MYCBP2: variants seen among roughly 807,000 people sequenced by gnomAD.
MYCBP2 encodes MYC binding protein 2.
MYCBP2 carries 120 observed loss-of-function variants against 525.3 expected under a neutral mutation model. The observed-to-expected ratio is 0.23, with a 90% CI of 0.20 to 0.27. The LOEUF is 0.27. MYCBP2 is among the 10% of genes least tolerant of loss of function. The pLI is 1.00. For synonymous variants in MYCBP2, 1,894 were observed against 1,955.8 expected, an observed-to-expected ratio of 0.97 and a Z score of 0.83; for missense variants, 4,149 against 5,657.1, an observed-to-expected ratio of 0.73 and a Z score of 8.55.
At chr13:77,157,915 A>C in intron 45 of MYCBP2, 22 bp downstream of exon 45, 1 of 1,578,462 alleles carries the variant, frequency 6.3e-7, no homozygotes, top group Non-Finnish European at 8.6e-7. Context: ...AAAATAAAGT[A>C]AGTAACTTAA....
Position 77,326,402 on chromosome 13 carries a change from C to T in MYCBP2, c.302+72G>A. The T allele has an allele frequency of 7.1e-7, 1 of 1,413,382 alleles. No individual in the cohort carries two copies. The highest frequency in any genetic ancestry group is 9.4e-7 in the Non-Finnish European group (1 of 1,064,610). The allele number at this position is 1,413,382 out of a possible 1,614,324, so 87.6% of individuals were successfully genotyped here. On this transcript the variant is annotated intron_variant, in intron 1 of 82. Transcript: ENST00000544440. This position sits in a 1 kb window ranked among gnomAD's most constrained non-coding sequence, Gnocchi z 4.2. ...ACACACACGCAAGCACACACACACG[C>T]GGGTGCACGCGCGGCATGGGGCGCA...
At chr13:77,246,354 C>T (rs891195614) in intron 15 of MYCBP2, among the ~76,000 whole-genome samples, 2 of 152,000 alleles carry the variant, frequency 1.3e-5, no homozygotes, top group Non-Finnish European at 2.9e-5. Flanking sequence ...GTGTTTATGA[C>T]ACCAATTCTC....
At chr13:77,054,843 T>A (rs531427000) in intron 80 of MYCBP2, among the ~76,000 whole-genome samples, 1 of 152,108 alleles carries the variant, frequency 6.6e-6, no homozygotes, top group Non-Finnish European at 1.5e-5. Context: ...TCAAGAAATC[T>A]GCCCACCTTG....
At chr13:77,310,761 GACACAGACGTGTGTGCGTGCGCATGC>G (rs1567225790) in intron 1 of MYCBP2, among the ~76,000 whole-genome samples, 2 of 143,908 alleles carry the variant, frequency 1.4e-5, no homozygotes, top group Non-Finnish European at 3.1e-5. Context: ...CACACACAGA[GACACAGACGTGTGTGCGTGCGCATGC>G]ACACACACAC....
chr13:77,248,142 CA>C (rs71203041), intron 15 of MYCBP2, among the ~76,000 whole-genome samples: 12 of 141,538 alleles, frequency 8.5e-5, no homozygotes, highest in Admixed American at 1.4e-4. Flanking sequence ...AAAGTATAAT[CA>C]AAAAAAAAAA....
chr13:77,104,150 C>T (rs770470194), intron 55 of MYCBP2, among the ~76,000 whole-genome samples: 5 of 151,992 alleles, frequency 3.3e-5, no homozygotes, highest in Admixed American at 1.3e-4. Context: ...TAAAATTAAT[C>T]GGTTGTGCTG....
rs145009274 is a variant in MYCBP2, at chr13:77,065,890, A to G, written c.12552+102T>C. On this transcript the variant is annotated intron_variant, in intron 72 of 82. Transcript: ENST00000544440. ...ACATACTACAAATAGTCTTTAAGTAAAGTTACACTAATCTACATCTCCTAT... is the reference window on the plus strand; with the variant it reads ...ACATACTACAAATAGTCTTTAAGTAGAGTTACACTAATCTACATCTCCTAT... The G allele has an allele frequency of 1.1e-3, 782 of 698,466 alleles. 3 individuals carry two copies. The African/African-American group carries it at 0.013, about 12-fold the overall frequency. 43.3% of individuals were successfully genotyped at this position (698,466 alleles called of 1,614,324 possible).
chr13:77,185,232 T>A lies in MYCBP2; in HGVS notation c.4590A>T (p.Gln1530His). The A allele has an allele frequency of 6.2e-7, 1 of 1,614,130 alleles. No individual in the cohort carries two copies. The highest frequency in any genetic ancestry group is 8.5e-7 in the Non-Finnish European group (1 of 1,180,020). The change falls in exon 32 of 83, where the codon CAA (glutamine) becomes CAT (histidine). Residue 1530 changes from glutamine (Q) to histidine (H), a missense_variant. Gln to His is a conservative substitution (Grantham distance 24, BLOSUM62 0). Coordinates refer to ENST00000544440, the MANE Select transcript of MYCBP2 (RefSeq NM_015057.5). ...GGACAGCTTCTAGAAGACTCAAGGGTTGACTGAGATATCCTTGAGGATCAT... is the reference window on the plus strand; with the variant it reads ...GGACAGCTTCTAGAAGACTCAAGGGATGACTGAGATATCCTTGAGGATCAT... ...LDNDPQGYLSQPLSLLEAVLQ... is the reference protein window; with the variant it reads ...LDNDPQGYLSHPLSLLEAVLQ...
chr13:77,244,496 C>T (rs535815430), intron 15 of MYCBP2, among the ~76,000 whole-genome samples: 42 of 152,258 alleles, frequency 2.8e-4, no homozygotes, highest in African/African-American at 9.9e-4. Context: ...CTTCCTTACA[C>T]CTTATACAAA....
At chr13:77,298,825 T>C (rs2078468036) in intron 1 of MYCBP2, among the ~76,000 whole-genome samples, 1 of 152,148 alleles carries the variant, frequency 6.6e-6, no homozygotes, top group Non-Finnish European at 1.5e-5. Context: ...CAGTGCCAAA[T>C]GCTAAACATA....
intron 28 of MYCBP2, among the ~76,000 whole-genome samples, chr13:77,190,814 T>C (rs2061227632): frequency 6.6e-6 from 1 of 152,204 alleles, no homozygotes; most frequent in African/African-American, 2.4e-5. Flanking sequence ...GTAGTCTCCT[T>C]GAATATTCAG....
At chr13:77,188,440 A>G (rs1232576161) in intron 30 of MYCBP2, among the ~76,000 whole-genome samples, 3 of 152,202 alleles carry the variant, frequency 2.0e-5, no homozygotes, top group African/African-American at 7.2e-5. Flanking sequence ...TGAGAGATCA[A>G]GACCTTAATT....
chr13:77,228,948 A>C (rs578116188), intron 18 of MYCBP2, among the ~76,000 whole-genome samples: 21 of 152,194 alleles, frequency 1.4e-4, no homozygotes, highest in Non-Finnish European at 2.5e-4. Context: ...TATAACAGAA[A>C]CTACCACAGA....
intron 26 of MYCBP2, among the ~76,000 whole-genome samples, chr13:77,201,751 A>G (rs375700885): frequency 2.0e-5 from 3 of 151,984 alleles, no homozygotes; most frequent in East Asian, 1.9e-4. Flanking sequence ...ACTCAAAACC[A>G]CTCAACTACA....
Position 77,080,272 on chromosome 13 carries a change from T to C in MYCBP2, c.11418+1155A>G, listed in dbSNP as rs376208328. 2.6e-4 allele frequency among the ~76,000 whole-genome samples: 39 copies of C among 152,268 alleles called. No individual in the cohort carries two copies. The East Asian group carries it at 7.0e-3, about 27-fold the overall frequency. On this transcript the variant is annotated intron_variant, in intron 65 of 82. Transcript: ENST00000544440. ...TGCTCTGATTGCAGACTGGCCTGCA[T>C]CCAGGTTATCTGAGACCCAATCCTA...
intron 26 of MYCBP2, among the ~76,000 whole-genome samples, chr13:77,202,166 A>G (rs1206256595): frequency 6.6e-6 from 1 of 152,226 alleles, no homozygotes; most frequent in African/African-American, 2.4e-5. Context: ...AGAAAAAAAG[A>G]GAGAAGAATC....
At chr13:77,232,683 TATAAACTTAATTA>T (rs928358387) in intron 18 of MYCBP2, among the ~76,000 whole-genome samples, 3 of 152,136 alleles carry the variant, frequency 2.0e-5, no homozygotes, top group African/African-American at 7.2e-5. Flanking sequence ...TTGTTGTTTA[TATAAACTTAATTA>T]ATAAACAGTG....
intron 55 of MYCBP2, among the ~76,000 whole-genome samples, chr13:77,103,616 T>G (rs2047407064): frequency 6.6e-6 from 1 of 152,116 alleles, no homozygotes; most frequent in Non-Finnish European, 1.5e-5. Context: ...TTTCTTTGGC[T>G]CAGTTTTCTT....
Position 77,066,012 on chromosome 13 carries a change from G to A in MYCBP2, c.12532C>T (p.Leu4178Phe). 1.9e-6 allele frequency: 3 copies of A among 1,612,956 alleles called. No individual in the cohort carries two copies. The highest frequency in any genetic ancestry group is 2.5e-6 in the Non-Finnish European group (3 of 1,179,276). The change falls in exon 72 of 83, where the codon CTT becomes TTT. Residue 4178 changes from leucine to phenylalanine, a missense_variant. Physicochemically the swap from Leu to Phe is conservative, Grantham distance 22 (BLOSUM62 0). Transcript: ENST00000544440. ...CTTACTGCTGCCATATCCTTGATAAGTTTAATGATGATCTCTGAGATCTGG... is the reference window on the plus strand; with the variant it reads ...CTTACTGCTGCCATATCCTTGATAAATTTAATGATGATCTCTGAGATCTGG... ...PTQISEIIIKLIKDMAAGHLS... is the reference protein window; with the variant it reads ...PTQISEIIIKFIKDMAAGHLS...
Sources: gnomAD v4.1 joint callset for allele counts (sites outside exome capture counted in the v4.1 genomes callset) on GRCh38, gnomAD v4.1.1 for gene constraint, Gnocchi (gnomAD v3.1) non-coding constraint, MANE v1.5 for transcripts, NCBI Gene and HGNC (gene_info 2026-07-23, HGNC 2026-07-21) for gene names.